The following SACM1L variants were observed in gnomAD, a reference collection of about 807,000 sequenced individuals.
The protein encoded by SACM1L is phosphatidylinositol-3-phosphatase SAC1.
In SACM1L, 32 loss-of-function variants were observed where a neutral mutation model predicts 89.5. That is an observed-to-expected ratio of 0.36 (90% CI 0.27 to 0.48). SACM1L has a LOEUF of 0.48. SACM1L is among the 20% of genes least tolerant of loss of function. The pLI, the probability that SACM1L is intolerant of heterozygous loss-of-function variation, is 0.99. For missense variants in SACM1L, 543 were observed against 708.5 expected (o/e 0.77, Z 2.65); for synonymous variants, 213 against 232.8 (o/e 0.92, Z 0.77).
At chr3:45,723,024 A>G (rs1698823146) in intron 10 of SACM1L, 69 bp downstream of exon 10, 1 of 1,226,100 alleles carries the variant, frequency 8.2e-7, no homozygotes, top group Non-Finnish European at 1.2e-6. Context: ...TTTGCATGTA[A>G]AGAATGTATT....
At chr3:45,723,578 G>A (rs1456574148) in intron 11 of SACM1L, 35 bp downstream of exon 11, 8 of 1,189,982 alleles carry the variant, frequency 6.7e-6, no homozygotes, top group Non-Finnish European at 9.3e-6. Context: ...GGAAAAAAAA[G>A]CCTTAACTTT....
At chr3:45,689,713 C>G (rs910568443) in intron 1 of SACM1L, 2 of 623,550 alleles carry the variant, frequency 3.2e-6, no homozygotes, top group African/African-American at 3.7e-5. Flanking sequence ...CCACCGTGCT[C>G]GGCCCCAGCG....
At chr3:45,731,986 A>AG (rs756473958) in intron 12 of SACM1L, 67 bp from the exon 13 acceptor site, 28 of 894,630 alleles carry the variant, frequency 3.1e-5, no homozygotes, top group Non-Finnish European at 4.4e-5. Context: ...CAGCTTATGA[A>AG]GGTATTATTA....
chr3:45,731,573 A>G (rs931454108), intron 12 of SACM1L, among the ~76,000 whole-genome samples, 193 bp downstream of exon 12: 3 of 152,178 alleles, frequency 2.0e-5, no homozygotes, highest in Non-Finnish European at 4.4e-5. Flanking sequence ...TTTTCAGTCA[A>G]GTTTTGAGTT....
chr3:45,739,716 A>T, intron 19 of SACM1L, 72 bp downstream of exon 19: 2 of 1,365,912 alleles, frequency 1.5e-6, no homozygotes, highest in Non-Finnish European at 2.1e-6. Flanking sequence ...TAAGTTTTTG[A>T]GTTCACCGAA....
At chr3:45,709,173 C>T (rs1698465855) in intron 4 of SACM1L, among the ~76,000 whole-genome samples, 3 of 152,210 alleles carry the variant, frequency 2.0e-5, no homozygotes, top group Admixed American at 2.0e-4. Context: ...AAATACCTGG[C>T]ACACAGTAGG....
intron 11 of SACM1L, among the ~76,000 whole-genome samples, chr3:45,724,038 G>A (rs1469094073): frequency 6.6e-6 from 1 of 151,740 alleles, no homozygotes; most frequent in African/African-American, 2.4e-5. Flanking sequence ...GGACATTTGG[G>A]TTGTTTTCAT....
chr3:45,691,266 T>A (rs1697980711), intron 1 of SACM1L, among the ~76,000 whole-genome samples: 1 of 152,256 alleles, frequency 6.6e-6, no homozygotes, highest in East Asian at 1.9e-4. Context: ...AGAGTGTTTC[T>A]GTAAATGTGA....
rs1697913663 is a variant in SACM1L at position 45,689,494 on chromosome 3, A to C, written c.29A>C (p.Lys10Thr). 1 of 1,580,500 alleles carries C rather than the reference A, an allele frequency of 6.3e-7. No individual in the cohort carries two copies. Among genetic ancestry groups the C allele is most frequent in the Non-Finnish European group, 8.6e-7 (1 of 1,164,316 alleles). ...GCGACGGCGGCCTACGAGCAGCTGA[A>C]GCTGTGAGTCCCACGGGCCAGAGGC... MATAAYEQL[K>T]LHITPEKFYV... The change falls in exon 1 of 20, where the codon AAG becomes ACG. Residue 10 changes from lysine to threonine, a missense_variant. This residue lies in a region of SACM1L where 173 missense variants were observed against 180.9 expected (regional missense o/e 0.96). Coordinates refer to ENST00000389061, the MANE Select transcript of SACM1L (RefSeq NM_014016.5).
intron 11 of SACM1L, among the ~76,000 whole-genome samples, chr3:45,724,967 G>A (rs1698884297): frequency 1.3e-5 from 2 of 152,096 alleles, no homozygotes; most frequent in African/African-American, 4.8e-5. Context: ...TGAATGGTCT[G>A]TCACCATAAT....
chr3:45,714,835 AG>A (rs964326224), intron 7 of SACM1L, among the ~76,000 whole-genome samples: 17 of 152,242 alleles, frequency 1.1e-4, no homozygotes. Flanking sequence ...TGGCTCTTAA[AG>A]GATATATAAG....
chr3:45,704,093 C>CT (rs1216611832), intron 2 of SACM1L, among the ~76,000 whole-genome samples: 1 of 152,030 alleles, frequency 6.6e-6, no homozygotes, highest in Non-Finnish European at 1.5e-5. Flanking sequence ...GAAAAACAAA[C>CT]TTTTTTTTCA....
intron 6 of SACM1L, 105 bp from the exon 7 acceptor site, chr3:45,713,941 C>T: frequency 2.0e-6 from 1 of 511,028 alleles, no homozygotes; most frequent in East Asian, 3.6e-5. Context: ...CATAAGTTTA[C>T]TACCTTGTTA....
chr3:45,738,109 T>C (rs546173594), intron 16 of SACM1L, among the ~76,000 whole-genome samples: 2 of 152,322 alleles, frequency 1.3e-5, no homozygotes, highest in South Asian at 2.1e-4. Flanking sequence ...ACCGTGTACC[T>C]GAAGCACCAG....
At chr3:45,697,772 G>A (rs1698165684) in intron 1 of SACM1L, among the ~76,000 whole-genome samples, 1 of 152,096 alleles carries the variant, frequency 6.6e-6, no homozygotes, top group Admixed American at 6.5e-5. Flanking sequence ...CAGATATTTG[G>A]TAGGATTCTT....
intron 11 of SACM1L, among the ~76,000 whole-genome samples, chr3:45,730,368 CTT>C (rs1699021322): frequency 7.1e-6 from 1 of 140,884 alleles, no homozygotes; most frequent in African/African-American, 2.7e-5. Flanking sequence ...TTTTTTGAGA[CTT>C]TTCCAAACTA....
chr3:45,740,644 T>C (rs1345346755), intron 19 of SACM1L, among the ~76,000 whole-genome samples: 1 of 152,146 alleles, frequency 6.6e-6, no homozygotes, highest in East Asian at 1.9e-4. Flanking sequence ...AAGGAGAAAA[T>C]ATTATTTATC....
chr3:45,704,583 T>C (rs1187444755), intron 2 of SACM1L, among the ~76,000 whole-genome samples: 1 of 152,244 alleles, frequency 6.6e-6, no homozygotes, highest in Non-Finnish European at 1.5e-5. Context: ...CTACTCTTTA[T>C]ACCATGTTGA....
intron 8 of SACM1L, among the ~76,000 whole-genome samples, chr3:45,720,432 G>T (rs1444771019): frequency 6.7e-6 from 1 of 149,714 alleles, no homozygotes; most frequent in Admixed American, 6.6e-5. Context: ...TCATCTGCTT[G>T]GTTCTTACCC....
Sources: gnomAD v4.1 joint callset for allele counts (sites outside exome capture counted in the v4.1 genomes callset) on GRCh38, gnomAD v4.1.1 for gene constraint, gnomAD v4.1.1 regional missense constraint, MANE v1.5 for transcripts, NCBI Gene and HGNC (gene_info 2026-07-23, HGNC 2026-07-21) for gene names.